DENND2A: variants seen among roughly 807,000 people sequenced by gnomAD.
DENND2A encodes the protein DENN domain-containing protein 2A.
In DENND2A, 53 loss-of-function variants were observed where a neutral mutation model predicts 105.3. The ratio of observed to expected loss-of-function variants is 0.50; its 90% CI spans 0.40 to 0.63. The LOEUF (loss-of-function observed/expected upper bound fraction) is 0.63, where lower values mean the gene tolerates loss of function less well. DENND2A is among the 30% of genes least tolerant of loss of function. DENND2A has a pLI of 0.00. For synonymous variants in DENND2A, 522 were observed against 508.4 expected (o/e 1.03, Z -0.36); for missense variants, 1,138 against 1,279.6 (o/e 0.89, Z 1.69).
At chr7:140,608,979 A>G (rs1220703068) in intron 1 of DENND2A, among the ~76,000 whole-genome samples, 2 of 152,146 alleles carry the variant, frequency 1.3e-5, no homozygotes, top group Admixed American at 1.3e-4. Context: ...GCAGAGGCCA[A>G]TGTCCTGGCA....
chr7:140,607,018 G>T (rs979025097), intron 1 of DENND2A, among the ~76,000 whole-genome samples: 1 of 152,188 alleles, frequency 6.6e-6, no homozygotes, highest in African/African-American at 2.4e-5. Context: ...CTTCTGTAAG[G>T]CATGAACACC....
intron 5 of DENND2A, among the ~76,000 whole-genome samples, chr7:140,574,603 A>C (rs1798227323): frequency 1.3e-5 from 2 of 152,200 alleles, no homozygotes; most frequent in African/African-American, 4.8e-5. Context: ...CCCAAGACAC[A>C]TGGACTAGGG....
intron 2 of DENND2A, among the ~76,000 whole-genome samples, chr7:140,603,386 G>A (rs540441671): frequency 6.6e-6 from 1 of 152,328 alleles, no homozygotes; most frequent in South Asian, 2.1e-4. Flanking sequence ...TCTTTGCAAT[G>A]ACTATTTAAA....
chr7:140,557,000 A>G (rs1286797353), intron 11 of DENND2A, among the ~76,000 whole-genome samples: 1 of 152,024 alleles, frequency 6.6e-6, no homozygotes, highest in Non-Finnish European at 1.5e-5. Context: ...CTTAGCAACC[A>G]TTCTGAATGT....
At chr7:140,577,035 A>C (rs1027822876) in intron 5 of DENND2A, among the ~76,000 whole-genome samples, 4 of 152,336 alleles carry the variant, frequency 2.6e-5, no homozygotes, top group African/African-American at 9.6e-5. Context: ...TTTCTGAAGA[A>C]TGTGTGGGCT....
At chr7:140,584,525 T>C (rs1050197803) in intron 5 of DENND2A, among the ~76,000 whole-genome samples, 1 of 152,194 alleles carries the variant, frequency 6.6e-6, no homozygotes, top group Non-Finnish European at 1.5e-5. Context: ...TGCCAAGATA[T>C]CTGTTACAAA....
chr7:140,553,364 A>C (rs1797218262), intron 12 of DENND2A, among the ~76,000 whole-genome samples: 1 of 152,232 alleles, frequency 6.6e-6, no homozygotes, highest in Non-Finnish European at 1.5e-5. Context: ...CTCCAGCCCT[A>C]AGGCGGTTTT....
chr7:140,594,989 C>T (rs752513344), intron 3 of DENND2A, among the ~76,000 whole-genome samples: 5 of 152,202 alleles, frequency 3.3e-5, no homozygotes, highest in African/African-American at 4.8e-5. Flanking sequence ...GCTGGGATTA[C>T]AGGCGTGAGC....
In DENND2A at chr7:140,559,643, T is replaced by C; in HGVS notation, c.1889+65A>G. The C allele has an allele frequency of 8.2e-7, 1 of 1,225,822 alleles. No individual in the cohort carries two copies. The allele number at this position is 1,225,822 out of a possible 1,614,324, so 75.9% of individuals were successfully genotyped here. ...GGAATGACTCATGTGGTCTGCCACC[T>C]GTAACCCCGTCTCTAAGTCTCGCCT... On this transcript the variant is annotated intron_variant, in intron 10 of 19. Coordinates refer to ENST00000496613, the MANE Select transcript of DENND2A (RefSeq NM_015689.5). This position sits in a 1 kb window ranked among gnomAD's most constrained non-coding sequence, Gnocchi z 4.1.
chr7:140,611,888 C>T (rs562367716), intron 1 of DENND2A, among the ~76,000 whole-genome samples: 4 of 152,216 alleles, frequency 2.6e-5, no homozygotes, highest in Admixed American at 1.3e-4. Flanking sequence ...AATTTCATAG[C>T]GGTGATAGTT....
intron 12 of DENND2A, among the ~76,000 whole-genome samples, chr7:140,555,420 T>G (rs1321372542): frequency 6.6e-6 from 1 of 152,024 alleles, no homozygotes; most frequent in Non-Finnish European, 1.5e-5. Flanking sequence ...ATTACAGGCA[T>G]GAGCCACCCC....
intron 5 of DENND2A, among the ~76,000 whole-genome samples, chr7:140,580,306 TATGTATGC>T (rs113910778): frequency 6.6e-6 from 1 of 151,666 alleles, no homozygotes; most frequent in African/African-American, 2.4e-5. Context: ...TGTATGCATG[TATGTATGC>T]ATGTATGCAT....
At chr7:140,593,141 C>T (rs746950961) in intron 3 of DENND2A, among the ~76,000 whole-genome samples, 10 of 152,336 alleles carry the variant, frequency 6.6e-5, no homozygotes, top group Middle Eastern at 3.4e-3. Context: ...ACGATAACCA[C>T]ATCCAAACAG....
At chr7:140,557,170 C>T (rs958569670) in intron 11 of DENND2A, among the ~76,000 whole-genome samples, 2 of 151,936 alleles carry the variant, frequency 1.3e-5, no homozygotes, top group South Asian at 2.1e-4. Context: ...ACTGGGAGGC[C>T]GAGGTGGGAG....
At position 140,558,500 on chromosome 7, in the gene DENND2A, C is replaced by T. The variant is rs192918468; in HGVS notation, c.1890-288G>A. 9.2e-5 allele frequency among the ~76,000 whole-genome samples: 14 copies of T among 151,958 alleles called. No homozygotes were observed. In the East Asian group the frequency reaches 1.6e-3, roughly 17 times the overall value. ...CACTTGAGGTCAGGAGTTCGAGACC[C>T]GCCTGGCCAATAGGGTGAAACCCTG... On this transcript the variant is annotated intron_variant, in intron 10 of 19. Coordinates refer to ENST00000496613, the MANE Select transcript of DENND2A (RefSeq NM_015689.5).
intron 14 of DENND2A, among the ~76,000 whole-genome samples, chr7:140,538,296 C>T (rs922965367): frequency 2.6e-5 from 4 of 152,022 alleles, no homozygotes; most frequent in African/African-American, 7.3e-5. Context: ...GGGATGTCAC[C>T]GGGCCACGCA....
At chr7:140,634,948 C>A (rs924105378) in intron 1 of DENND2A, among the ~76,000 whole-genome samples, 6 of 145,042 alleles carry the variant, frequency 4.1e-5, no homozygotes, top group Non-Finnish European at 9.0e-5. Flanking sequence ...TGTGACAGAG[C>A]AAGACTCCGT....
chr7:140,629,386 A>G (rs1800653575), intron 1 of DENND2A, among the ~76,000 whole-genome samples: 1 of 152,138 alleles, frequency 6.6e-6, no homozygotes, highest in Admixed American at 6.6e-5. Flanking sequence ...GAGTTGGGGA[A>G]GGGAAAGTGC....
chr7:140,553,698 TCTTAACGAGCATGCTG>T (rs1162244541), intron 12 of DENND2A, among the ~76,000 whole-genome samples: 1 of 152,188 alleles, frequency 6.6e-6, no homozygotes, highest in Non-Finnish European at 1.5e-5. Flanking sequence ...TGGTGATGAC[TCTTAACGAGCATGCTG>T]CCTTCAAGCA....
Sources: gnomAD v4.1 joint callset for allele counts (sites outside exome capture counted in the v4.1 genomes callset) on GRCh38, gnomAD v4.1.1 for gene constraint, Gnocchi (gnomAD v3.1) non-coding constraint, MANE v1.5 for transcripts, NCBI Gene and HGNC (gene_info 2026-07-23, HGNC 2026-07-21) for gene names.